COMMD10: variants seen among roughly 807,000 people sequenced by gnomAD.
COMMD10 encodes COMM domain containing 10.
In COMMD10, 33 loss-of-function variants were observed where a neutral mutation model predicts 28.9. That is an observed-to-expected ratio of 1.14 (90% CI 0.87 to 1.53). The LOEUF (loss-of-function observed/expected upper bound fraction) is 1.53. COMMD10 is among the 40% of genes most tolerant of loss of function. COMMD10 has a pLI of 0.00. For synonymous variants in COMMD10, 110 were observed against 81.7 expected (o/e 1.35, Z -1.87); for missense variants, 310 against 233.4 (o/e 1.33, Z -2.14).
chr5:116,227,272 A>G (rs1187262731), intron 5 of COMMD10, among the ~76,000 whole-genome samples: 1 of 151,984 alleles, frequency 6.6e-6, no homozygotes, highest in Admixed American at 6.6e-5. Context: ...GGAGCATCTC[A>G]TTCTCCTTCA....
At chr5:116,155,954 G>A (rs116367353) in intron 5 of COMMD10, among the ~76,000 whole-genome samples, 1,762 of 152,086 alleles carry the variant, frequency 0.012, 33 homozygotes, top group South Asian at 0.015. Flanking sequence ...TACAATTTTT[G>A]AGAAGTGTTA....
intron 5 of COMMD10, among the ~76,000 whole-genome samples, chr5:116,140,183 T>A (rs1223176986): frequency 6.6e-6 from 1 of 151,388 alleles, no homozygotes; most frequent in Non-Finnish European, 1.5e-5. Context: ...TTCATCCATG[T>A]TGTTGCAAAT....
chr5:116,278,348 T>A (rs1332152119), intron 5 of COMMD10, among the ~76,000 whole-genome samples: 2 of 151,800 alleles, frequency 1.3e-5, no homozygotes, highest in African/African-American at 4.9e-5. Context: ...AGCTGAAAAA[T>A]CATAATGGCA....
intron 5 of COMMD10, among the ~76,000 whole-genome samples, chr5:116,167,411 A>G (rs1371687160): frequency 1.3e-5 from 2 of 152,174 alleles, no homozygotes; most frequent in East Asian, 1.9e-4. Context: ...ACCAAGTTGG[A>G]AAACACTCTT....
chr5:116,143,505 A>G (rs944190117), intron 5 of COMMD10, among the ~76,000 whole-genome samples: 26 of 151,794 alleles, frequency 1.7e-4, no homozygotes, highest in African/African-American at 5.6e-4. Flanking sequence ...GTAAAGAAAC[A>G]AATACTGTCT....
Position 116,255,539 on chromosome 5 carries a change from C to G in COMMD10, c.511-35978C>G, listed in dbSNP as rs528846502. ...CATTTGCTTGAGCAGACTCTATTTT[C>G]AAGAGAAGTAGTTGAGTCTTAGGAG... On this transcript the variant is annotated intron_variant, in intron 5 of 6. Coordinates refer to ENST00000274458, the MANE Select transcript of COMMD10 (RefSeq NM_016144.4). 6.6e-5 allele frequency among the ~76,000 whole-genome samples: 10 copies of G among 151,510 alleles called. 1 individual carries two copies. In the South Asian group the frequency reaches 2.1e-3, roughly 31 times the overall value.
intron 5 of COMMD10, among the ~76,000 whole-genome samples, chr5:116,160,364 GCTAAAT>G (rs1247819782): frequency 3.3e-5 from 5 of 152,148 alleles, no homozygotes; most frequent in Non-Finnish European, 5.9e-5. Context: ...TTGGCAATGA[GCTAAAT>G]CCATTGTATT....
chr5:116,276,334 C>G (rs1195869294), intron 5 of COMMD10, among the ~76,000 whole-genome samples: 1 of 151,630 alleles, frequency 6.6e-6, no homozygotes, highest in African/African-American at 2.4e-5. Flanking sequence ...CTTACTGTAA[C>G]CTCCACCTCC....
At chr5:116,288,406 A>G (rs948509781) in intron 5 of COMMD10, among the ~76,000 whole-genome samples, 3 of 151,648 alleles carry the variant, frequency 2.0e-5, no homozygotes, top group Non-Finnish European at 4.4e-5. Flanking sequence ...TTTGACTATA[A>G]TGTTTCTTAG....
intron 5 of COMMD10, among the ~76,000 whole-genome samples, chr5:116,287,383 T>C (rs1751245558): frequency 6.6e-6 from 1 of 151,824 alleles, no homozygotes; most frequent in Admixed American, 6.6e-5. Context: ...TGTCTGACTT[T>C]AATGTAGCCA....
chr5:116,131,037 A>T (rs1294097200), intron 4 of COMMD10, among the ~76,000 whole-genome samples: 1 of 152,000 alleles, frequency 6.6e-6, no homozygotes, highest in Non-Finnish European at 1.5e-5. Flanking sequence ...ATATACACGT[A>T]TCTAGTTGGG....
intron 4 of COMMD10, among the ~76,000 whole-genome samples, chr5:116,101,500 C>T (rs1375749342): frequency 6.6e-6 from 1 of 152,084 alleles, no homozygotes; most frequent in African/African-American, 2.4e-5. Context: ...GACCTCGGCT[C>T]ACTGCAACCT....
intron 5 of COMMD10, among the ~76,000 whole-genome samples, chr5:116,167,585 CA>C (rs1478454372): frequency 6.6e-6 from 1 of 152,118 alleles, no homozygotes; most frequent in Non-Finnish European, 1.5e-5. Flanking sequence ...ATGTTAAGGG[CA>C]GCCAGAGAGA....
At chr5:116,085,442 G>A (rs1032920371) in intron 1 of COMMD10, 1 of 308,628 alleles carries the variant, frequency 3.2e-6, no homozygotes, top group South Asian at 7.0e-5. Context: ...CACGTGGAAC[G>A]GTATTCCGTT....
chr5:116,123,853 G>T (rs1412089667), intron 4 of COMMD10, among the ~76,000 whole-genome samples: 23 of 152,070 alleles, frequency 1.5e-4, no homozygotes, highest in Admixed American at 1.5e-3. Flanking sequence ...TAGTTTATTT[G>T]CATAGAGGTG....
chr5:116,269,372 A>G (rs886827216), intron 5 of COMMD10, among the ~76,000 whole-genome samples: 8 of 151,840 alleles, frequency 5.3e-5, no homozygotes, highest in African/African-American at 1.9e-4. Context: ...TCCTGCCCCA[A>G]TTTATGAACC....
chr5:116,101,885 G>T (rs1027724756), intron 4 of COMMD10, among the ~76,000 whole-genome samples: 1 of 152,036 alleles, frequency 6.6e-6, no homozygotes, highest in Admixed American at 6.6e-5. Flanking sequence ...CCTTTGCCCT[G>T]TGCCCACTTT....
intron 5 of COMMD10, among the ~76,000 whole-genome samples, chr5:116,283,035 G>A (rs967214137): frequency 2.6e-5 from 4 of 151,852 alleles, no homozygotes; most frequent in Non-Finnish European, 5.9e-5. Flanking sequence ...ACCAAGAATG[G>A]AAGACTAAGA....
chr5:116,176,490 T>C (rs1344185804), intron 5 of COMMD10, among the ~76,000 whole-genome samples: 1 of 152,178 alleles, frequency 6.6e-6, no homozygotes, highest in African/African-American at 2.4e-5. Context: ...GAGATGTGGG[T>C]TTACCACTGT....
Sources: allele counts gnomAD v4.1 joint callset (sites outside exome capture counted in the v4.1 genomes callset), GRCh38; gene constraint gnomAD v4.1.1; transcripts MANE v1.5; gene names NCBI Gene and HGNC (gene_info 2026-07-23, HGNC 2026-07-21).